Variants in PIGG observed in about 807,000 individuals in gnomAD.
PIGG encodes the protein phosphatidylinositol glycan anchor biosynthesis class G (EMM blood group).
Under a neutral mutation model 83.2 loss-of-function variants are expected in PIGG, and 70 were observed. The ratio of observed to expected loss-of-function variants is 0.84; its 90% CI spans 0.69 to 1.03. PIGG has a LOEUF of 1.03. Among genes scored for constraint, PIGG ranks in the 50% least tolerant of loss-of-function variants. PIGG has a pLI of 0.00. For synonymous variants in PIGG, 532 were observed against 519.5 expected (o/e 1.02, Z -0.33); for missense variants, 1,257 against 1,233.6 (o/e 1.02, Z -0.28).
chr4:536,549 A>G (rs1256522152), intron 12 of PIGG, among the ~76,000 whole-genome samples: 4 of 152,240 alleles, frequency 2.6e-5, no homozygotes, highest in Non-Finnish European at 2.9e-5. Flanking sequence ...TCGATTCTGC[A>G]TAAAAACAAA....
chr4:514,038 A>T (rs913901621), intron 5 of PIGG, among the ~76,000 whole-genome samples: 2 of 152,192 alleles, frequency 1.3e-5, no homozygotes, highest in Admixed American at 1.3e-4. Flanking sequence ...AACAATATCA[A>T]TCCAGGTCAA....
chr4:518,266 G>A (rs529951311), intron 6 of PIGG, among the ~76,000 whole-genome samples: 5 of 152,356 alleles, frequency 3.3e-5, no homozygotes, highest in Non-Finnish European at 7.3e-5. Flanking sequence ...TTTTGTTACT[G>A]TGTCCTTTTT....
At chr4:536,669 G>A (rs1229677654) in intron 12 of PIGG, 1 of 152,306 alleles carries the variant, frequency 6.6e-6, no homozygotes, top group Non-Finnish European at 1.5e-5. Context: ...TGGCCTTACA[G>A]AAACAGGAGA....
At chr4:531,343 C>T (rs1352061182) in intron 11 of PIGG, 1 of 147,714 alleles carries the variant, frequency 6.8e-6, no homozygotes, top group African/African-American at 2.5e-5. Context: ...TCCAGCCTCC[C>T]GGCAACCTCA....
chr4:499,385 T>A lies in PIGG; in HGVS notation c.50T>A (p.Val17Glu), dbSNP rs1716671547. 1 of 1,610,186 alleles carries A rather than the reference T, an allele frequency of 6.2e-7. No homozygotes were observed. The highest frequency in any genetic ancestry group is 1.1e-5 in the South Asian group (1 of 90,992). The change falls in exon 1 of 13, where the codon GTG becomes GAG. Residue 17 changes from valine (V) to glutamate (E), a missense_variant. Physicochemically the swap from Val to Glu is moderately radical, Grantham distance 121. Transcript: ENST00000453061. ...TFATCCVAIE[V>E]LGIAVFLRGF... The stretch of plus-strand genomic sequence containing the variant: ...GCTACCTGTTGCGTAGCGATCGAGG[T>A]GCTAGGGATCGCGGTCTTCCTTCGG...
Position 533,661 on chromosome 4 carries a change from C to T in PIGG, c.2572-157C>T, listed in dbSNP as rs142848831. 0.012 allele frequency: 8,198 copies of T among 665,330 alleles called. 320 individuals carry two copies. Among genetic ancestry groups the T allele is most frequent in the Admixed American group, 0.11 (4,361 of 39,196 alleles). 41.2% of individuals were successfully genotyped at this position (665,330 alleles called of 1,614,324 possible). On this transcript the variant is annotated intron_variant, in intron 11 of 12. Transcript: ENST00000453061. Reference sequence around the variant, plus strand: ...AGGCCAGCTCGGCAGTCTGAAGGAACGGCTGGGCAGCCACCTCTGACCACA... The same window carrying T: ...AGGCCAGCTCGGCAGTCTGAAGGAATGGCTGGGCAGCCACCTCTGACCACA...
rs748283787 is a variant in PIGG, at chr4:521,089, G to T, written c.1148G>T (p.Arg383Ile). The T allele has an allele frequency of 6.8e-6, 11 of 1,614,056 alleles. No homozygotes were observed. The South Asian group carries it at 1.2e-4, about 18-fold the overall frequency. Residue 383 changes from arginine (R) to isoleucine (I), a missense_variant, in exon 7 of 13, where the codon AGA (arginine) becomes ATA (isoleucine). Physicochemically the swap from Arg to Ile is moderately conservative, Grantham distance 97. Transcript: ENST00000453061. Reference sequence around the variant, plus strand: ...TTTGAGCAGTTTAAAATGTCAGAAAGATTGCATGGGAACTGGATCAGACTG... The same window carrying T: ...TTTGAGCAGTTTAAAATGTCAGAAATATTGCATGGGAACTGGATCAGACTG... ...PGFEQFKMSE[R>I]LHGNWIRLYL...
At chr4:520,119 C>T (rs1309695685) in intron 6 of PIGG, among the ~76,000 whole-genome samples, 1 of 152,242 alleles carries the variant, frequency 6.6e-6, no homozygotes. Flanking sequence ...GCAGCTCTTT[C>T]ACTGCTGTGA....
chr4:512,479 A>G (rs73072136), intron 5 of PIGG, among the ~76,000 whole-genome samples: 55,102 of 151,444 alleles, frequency 0.36, 10,423 homozygotes, highest in African/African-American at 0.47. Context: ...CCTCCCAACC[A>G]TTATCATATT....
rs149297849 is a variant in PIGG at position 527,588 on chromosome 4, AG to A, written c.2261+361del. ...AAGTTAGTGGCAGCACGTGATGGCCAGGGTTCTGTTTTCCTGGTCAGGGTGT... is the reference window on the plus strand; with the variant it reads ...AAGTTAGTGGCAGCACGTGATGGCCAGGTTCTGTTTTCCTGGTCAGGGTGT... On this transcript the variant is annotated intron_variant, in intron 10 of 12. Coordinates refer to ENST00000453061, the MANE Select transcript of PIGG (RefSeq NM_001127178.3). 7,380 of 1,017,692 alleles carry A rather than the reference AG, an allele frequency of 7.3e-3. 20 individuals are homozygous for A. The highest frequency in any genetic ancestry group is 8.0e-3 in the Non-Finnish European group (6,820 of 850,472). 63.0% of individuals were successfully genotyped at this position (1,017,692 alleles called of 1,614,324 possible). A position where few individuals can be genotyped will look rare whatever the true frequency, so the allele number is the denominator to read the frequency against.
At position 521,752 on chromosome 4, in the gene PIGG, C is replaced by T; in HGVS notation, c.1425C>T (p.Leu475=). The T allele has an allele frequency of 6.2e-7, 1 of 1,614,192 alleles. No homozygotes were observed. The highest frequency in any genetic ancestry group is 8.5e-7 in the Non-Finnish European group (1 of 1,180,036). ...VPLSSPGFSL[L]FYLVILVLSA... Reference sequence around the variant, plus strand: ...TGTCATCTCCTGGGTTTTCTCTGCTCTTTTATTTGGTGATCCTGGTTCTTT... The same window carrying T: ...TGTCATCTCCTGGGTTTTCTCTGCTTTTTTATTTGGTGATCCTGGTTCTTT... Residue 475 remains leucine, a synonymous_variant, in exon 8 of 13, where the codon CTC becomes CTT. Transcript: ENST00000453061.
At chr4:526,838 A>G in intron 9 of PIGG, 1 of 641,492 alleles carries the variant, frequency 1.6e-6, no homozygotes. Context: ...GTGAGCCACC[A>G]CACCCCACTG....
Position 527,310 on chromosome 4 carries a change from C to T in PIGG, c.2261+80C>T, listed in dbSNP as rs982661304. The T allele has an allele frequency of 5.6e-5, 81 of 1,455,244 alleles. No homozygotes were observed. The African/African-American group carries it at 9.4e-4, about 17-fold the overall frequency. The allele number at this position is 1,455,244 out of a possible 1,614,324, so 90.1% of individuals were successfully genotyped here. ...GGCGGACACGGGGCGCGTGGAACCA[C>T]TTCACTGTTTGATGAACTGAGAAGA... On this transcript the variant is annotated intron_variant, in intron 10 of 12. Coordinates refer to ENST00000453061, the MANE Select transcript of PIGG (RefSeq NM_001127178.3).
In PIGG at chr4:515,586, C is replaced by T. The variant is rs113380971; in HGVS notation, c.902-387C>T. ...TGGGATGCTCCAAATCCAGAGGGGCCGGGCTGTCAGCGATCCCAGCCTCAC... is the reference window on the plus strand; with the variant it reads ...TGGGATGCTCCAAATCCAGAGGGGCTGGGCTGTCAGCGATCCCAGCCTCAC... On this transcript the variant is annotated intron_variant, in intron 5 of 12. Transcript: ENST00000453061. This position sits in a 1 kb window ranked among gnomAD's most constrained non-coding sequence, Gnocchi z 4.2. Among the ~76,000 whole-genome samples the T allele has an allele frequency of 2.3e-3, 352 of 152,324 alleles. 3 individuals carry two copies. The highest frequency in any genetic ancestry group is 7.6e-3 in the African/African-American group (316 of 41,580).
rs7678718 is a variant in PIGG at position 523,215 on chromosome 4, G to T, written c.1615-244G>T. On this transcript the variant is annotated intron_variant, in intron 8 of 12. Coordinates refer to ENST00000453061, the MANE Select transcript of PIGG (RefSeq NM_001127178.3). ...CCAGTGTGAGAACAGCTGGCTGGCC[G>T]TGCAGTGTCCGGCTCCCCTGCCTGG... Among the ~76,000 whole-genome samples the T allele has an allele frequency of 6.7e-3, 1,027 of 152,278 alleles. 10 individuals carry two copies. The highest frequency in any genetic ancestry group is 0.024 in the African/African-American group (980 of 41,544).
chr4:519,043 G>A (rs970197816), intron 6 of PIGG, among the ~76,000 whole-genome samples: 1 of 152,138 alleles, frequency 6.6e-6, no homozygotes, highest in African/African-American at 2.4e-5. Context: ...CCTGGGTACC[G>A]TTTACATTTC....
At chr4:500,965 C>G (rs1717483442) in intron 2 of PIGG, 1 of 387,766 alleles carries the variant, frequency 2.6e-6, no homozygotes, top group South Asian at 2.1e-5. Flanking sequence ...AGTTCAGTCT[C>G]TAGACTTTAT....
chr4:530,983 C>T lies in PIGG; in HGVS notation c.2571+238C>T, dbSNP rs1201555177. On this transcript the variant is annotated intron_variant, in intron 11 of 12. Transcript: ENST00000453061. ...AGACTGCTGCTTTGCTGGGCCAGGC[C>T]TGGGTTTATTTATTACAAGCAGTTC... 8 of 516,148 alleles carry T rather than the reference C, an allele frequency of 1.5e-5. No individual in the cohort carries two copies. In the Admixed American group the frequency reaches 2.2e-4, roughly 14 times the overall value. The allele number at this position is 516,148 out of a possible 1,614,324, so 32.0% of individuals were successfully genotyped here.
At chr4:511,320 AGAC>A (rs1553883304) in intron 5 of PIGG, among the ~76,000 whole-genome samples, 4 of 150,378 alleles carry the variant, frequency 2.7e-5, no homozygotes. Flanking sequence ...AAAAAAAAGA[AGAC>A]TTCATTTCTT....
Sources: allele counts gnomAD v4.1 joint callset (sites outside exome capture counted in the v4.1 genomes callset), GRCh38; gene constraint gnomAD v4.1.1; non-coding constraint Gnocchi (gnomAD v3.1); transcripts MANE v1.5; gene names NCBI Gene and HGNC (gene_info 2026-07-23, HGNC 2026-07-21).